KCNT2: variants seen among roughly 807,000 people sequenced by gnomAD.
KCNT2 encodes potassium sodium-activated channel subfamily T member 2.
In KCNT2, 67 loss-of-function variants were observed where a neutral mutation model predicts 153.8. The observed-to-expected ratio is 0.44, with a 90% CI of 0.36 to 0.53. KCNT2 has a LOEUF of 0.53. Among genes scored for constraint, KCNT2 ranks in the 20% least tolerant of loss-of-function variants. The pLI is 0.00. For missense variants in KCNT2, 975 were observed against 1,354.8 expected, an observed-to-expected ratio of 0.72 and a Z score of 4.40; for synonymous variants, 500 against 458.8, an observed-to-expected ratio of 1.09 and a Z score of -1.15.
chr1:196,587,561 TATC>T (rs1223389840), intron 1 of KCNT2, among the ~76,000 whole-genome samples: 3 of 152,086 alleles, frequency 2.0e-5, no homozygotes, highest in Non-Finnish European at 4.4e-5. Context: ...GATAGCTGTG[TATC>T]ATGTCTTAAT....
intron 1 of KCNT2, among the ~76,000 whole-genome samples, chr1:196,585,325 G>C (rs1662542279): frequency 6.6e-6 from 1 of 152,082 alleles, no homozygotes; most frequent in Non-Finnish European, 1.5e-5. Context: ...TCAAAGAGAG[G>C]ATGGGACTTG....
In KCNT2 at chr1:196,467,790, G is replaced by GAAAAC. The variant is rs745579572; in HGVS notation, c.460-9_460-5dup. The GAAAAC allele has an allele frequency of 2.5e-5, 40 of 1,583,386 alleles. No individual in the cohort carries two copies. In the East Asian group the frequency reaches 2.7e-4, roughly 11 times the overall value. ...TCCTTAAGGAAGGCCAGAATATCTG[G>GAAAAC]AAAACAAAACAAAACAAAACTAGAC... On this transcript the variant is annotated splice_region_variant and splice_polypyrimidine_tract_variant and intron_variant, in intron 6 of 27. Transcript: ENST00000294725.
chr1:196,574,483 A>G (rs1661130644), intron 1 of KCNT2, among the ~76,000 whole-genome samples: 1 of 151,826 alleles, frequency 6.6e-6, no homozygotes, highest in Non-Finnish European at 1.5e-5. Flanking sequence ...AGACTAAAAA[A>G]CTTGGAATCC....
At chr1:196,389,349 A>G (rs879763612) in intron 13 of KCNT2, among the ~76,000 whole-genome samples, 1 of 151,652 alleles carries the variant, frequency 6.6e-6, no homozygotes, top group East Asian at 1.9e-4. Flanking sequence ...GCCTTACAAA[A>G]TCACTATAAA....
At position 196,316,026 on chromosome 1, in the gene KCNT2, G is replaced by A. The variant is rs766682007; in HGVS notation, c.2349C>T (p.Asn783=). Residue 783 remains asparagine, a splice_region_variant and synonymous_variant, in exon 21 of 28, where the codon AAC becomes AAT. Transcript: ENST00000294725. ...CTCCACACCTGAGTAAGTCATCTAG[G>A]CTTTGATAAAAATCAACAGAGAAAA... is the stretch of plus-strand genomic sequence containing the variant. ...MVYYMVGSID[N]LDDLLRCGVT... is the part of the protein sequence containing the mutation. 2 of 1,608,632 alleles carry A rather than the reference G, an allele frequency of 1.2e-6. No individual in the cohort carries two copies. The highest frequency in any genetic ancestry group is 3.4e-5 in the Admixed American group (2 of 59,442).
chr1:196,293,859 C>CAAA (rs571759690), intron 22 of KCNT2, among the ~76,000 whole-genome samples: 1 of 115,220 alleles, frequency 8.7e-6, no homozygotes, highest in Admixed American at 9.1e-5. Flanking sequence ...TCTGCACAGT[C>CAAA]AAAAAAAAAA....
At chr1:196,480,910 T>C (rs60233925) in intron 4 of KCNT2, among the ~76,000 whole-genome samples, 2,487 of 131,162 alleles carry the variant, frequency 0.019, 76 homozygotes, top group African/African-American at 0.065. Flanking sequence ...TTTTCAAATA[T>C]CACTGTTTTA....
chr1:196,349,402 G>C (rs984051682), intron 14 of KCNT2, among the ~76,000 whole-genome samples: 3 of 152,104 alleles, frequency 2.0e-5, no homozygotes, highest in Non-Finnish European at 2.9e-5. Flanking sequence ...GCTCAGGCTT[G>C]TTCTCCCTGG....
rs554786922 is a variant in KCNT2 at position 196,517,811 on chromosome 1, G to A, written c.96-25470C>T. ...ATGAGTCACTGGCATCCCTGAAAGGGACAGGAGAAAGCAAACAACTTGGAA... is the reference window on the plus strand; with the variant it reads ...ATGAGTCACTGGCATCCCTGAAAGGAACAGGAGAAAGCAAACAACTTGGAA... On this transcript the variant is annotated intron_variant, in intron 1 of 27. Coordinates refer to ENST00000294725, the MANE Select transcript of KCNT2 (RefSeq NM_198503.5). Among the ~76,000 whole-genome samples, 9 of 152,320 alleles carry A rather than the reference G, an allele frequency of 5.9e-5. No individual in the cohort carries two copies. In the East Asian group the frequency reaches 1.5e-3, roughly 26 times the overall value.
intron 13 of KCNT2, among the ~76,000 whole-genome samples, chr1:196,374,125 TAAAC>T (rs1668754642): frequency 6.6e-6 from 1 of 151,934 alleles, no homozygotes; most frequent in Admixed American, 6.6e-5. Context: ...TTTTCCCAAA[TAAAC>T]AAGTATAGCT....
intron 6 of KCNT2, 134 bp downstream of exon 6, chr1:196,468,860 C>T (rs1245260506): frequency 4.9e-6 from 3 of 612,240 alleles, no homozygotes; most frequent in Non-Finnish European, 8.8e-6. Context: ...TATCTTGTTG[C>T]TTAGTATCAT....
intron 12 of KCNT2, among the ~76,000 whole-genome samples, chr1:196,399,097 A>ATGTGTG (rs150605752): frequency 0.29 from 43,171 of 148,722 alleles, 6,326 homozygotes; most frequent in Non-Finnish European, 0.33. Context: ...ACCTGTGTGT[A>ATGTGTG]TGTGTGTGTG....
At chr1:196,581,485 C>T (rs540460648) in intron 1 of KCNT2, among the ~76,000 whole-genome samples, 187 of 151,802 alleles carry the variant, frequency 1.2e-3, no homozygotes, top group Non-Finnish European at 2.3e-3. Flanking sequence ...TGAATGCCAC[C>T]GGGTGAATAT....
Position 196,326,845 on chromosome 1 carries a change from G to T in KCNT2, c.2148C>A (p.Phe716Leu). The T allele has an allele frequency of 1.9e-6, 3 of 1,586,500 alleles. No individual in the cohort carries two copies. Among genetic ancestry groups the T allele is most frequent in the Non-Finnish European group, 2.6e-6 (3 of 1,171,018 alleles). The change falls in exon 19 of 28, where the codon TTC (phenylalanine) becomes TTA (leucine). Residue 716 changes from phenylalanine to leucine, a missense_variant. By Grantham distance (22) the Phe-to-Leu change is conservative. Transcript: ENST00000294725. ...CTGCAACTATAATTAGTTTATTTTT[G>T]AATCCATAGGCTTTTGCATCCTCAT... ...NYYEDAKAYG[F>L]KNKLIIVAAE...
intron 8 of KCNT2, among the ~76,000 whole-genome samples, chr1:196,444,829 G>A (rs1332562953): frequency 6.6e-6 from 1 of 151,300 alleles, no homozygotes; most frequent in Non-Finnish European, 1.5e-5. Context: ...GATATTGTGA[G>A]TGGTTCCTAC....
At chr1:196,347,173 A>G (rs1406307947) in intron 14 of KCNT2, among the ~76,000 whole-genome samples, 1 of 152,112 alleles carries the variant, frequency 6.6e-6, no homozygotes, top group Non-Finnish European at 1.5e-5. Context: ...GGCTACTAGG[A>G]TATTAAATGC....
intron 27 of KCNT2, among the ~76,000 whole-genome samples, chr1:196,230,041 T>C (rs1477172943): frequency 6.6e-6 from 1 of 152,056 alleles, no homozygotes; most frequent in Admixed American, 6.6e-5. Flanking sequence ...AATAAGATTA[T>C]TGATGAAGGT....
At chr1:196,301,365 A>G (rs1661169755) in intron 22 of KCNT2, among the ~76,000 whole-genome samples, 1 of 152,156 alleles carries the variant, frequency 6.6e-6, no homozygotes, top group Non-Finnish European at 1.5e-5. Context: ...ATAAATTTGC[A>G]TGCCATTTCT....
chr1:196,427,054 C>T lies in KCNT2; in HGVS notation c.984+1051G>A, dbSNP rs1673717315. Among the ~76,000 whole-genome samples, 3 of 152,008 alleles carry T rather than the reference C, an allele frequency of 2.0e-5. No individual in the cohort carries two copies. In the South Asian group the frequency reaches 6.2e-4, roughly 32 times the overall value. ...GTAATTCTTTATAGCAGTGTGAGAGCAGGCTAATACACCATGGGATCAAAA... is the reference window on the plus strand; with the variant it reads ...GTAATTCTTTATAGCAGTGTGAGAGTAGGCTAATACACCATGGGATCAAAA... On this transcript the variant is annotated intron_variant, in intron 10 of 27. Coordinates refer to ENST00000294725, the MANE Select transcript of KCNT2 (RefSeq NM_198503.5).
Sources: allele counts gnomAD v4.1 joint callset (sites outside exome capture counted in the v4.1 genomes callset), GRCh38; gene constraint gnomAD v4.1.1; transcripts MANE v1.5; gene names NCBI Gene and HGNC (gene_info 2026-07-23, HGNC 2026-07-21).